Variants in FBXW4 observed in about 807,000 individuals in gnomAD.
FBXW4 encodes the protein F-box and WD repeat domain containing 4, also known as F-box/WD repeat-containing protein 4.
FBXW4 carries 40 observed loss-of-function variants against 61.8 expected under a neutral mutation model. The observed-to-expected ratio is 0.65, with a 90% CI of 0.50 to 0.84. The LOEUF is 0.84. Among genes scored for constraint, FBXW4 ranks in the 40% least tolerant of loss-of-function variants. FBXW4 has a pLI of 0.00. For missense variants in FBXW4, 672 were observed against 753.8 expected (o/e 0.89, Z 1.27); for synonymous variants, 311 against 313.8 (o/e 0.99, Z 0.10).
chr10:101,613,417 A>G (rs1177366642), intron 6 of FBXW4, among the ~76,000 whole-genome samples: 1 of 152,218 alleles, frequency 6.6e-6, no homozygotes, highest in Non-Finnish European at 1.5e-5. Flanking sequence ...TCCAGGCCTG[A>G]TGCCTTAGCT....
intron 4 of FBXW4, among the ~76,000 whole-genome samples, chr10:101,670,989 A>G (rs750933234): frequency 3.9e-5 from 6 of 152,104 alleles, no homozygotes; most frequent in African/African-American, 4.8e-5. Flanking sequence ...TATTTGGGAA[A>G]CTCCCCAAAA....
At chr10:101,660,311 G>C (rs2064229789) in intron 5 of FBXW4, 1 of 533,228 alleles carries the variant, frequency 1.9e-6, no homozygotes, top group Non-Finnish European at 2.3e-6. Context: ...TTACACACTT[G>C]CTTGGGAAGT....
chr10:101,662,864 G>A (rs2064258417), intron 5 of FBXW4, among the ~76,000 whole-genome samples: 1 of 152,146 alleles, frequency 6.6e-6, no homozygotes, highest in African/African-American at 2.4e-5. Context: ...CTCCTGGAAT[G>A]GTGCAAGCAT....
intron 1 of FBXW4, among the ~76,000 whole-genome samples, chr10:101,680,772 G>A (rs2064466385): frequency 6.6e-6 from 1 of 152,184 alleles, no homozygotes; most frequent in Non-Finnish European, 1.5e-5. Flanking sequence ...TAAGACAAAA[G>A]TCATTAAATG....
intron 5 of FBXW4, among the ~76,000 whole-genome samples, chr10:101,629,561 C>G (rs545898155): frequency 2.6e-5 from 4 of 151,988 alleles, no homozygotes; most frequent in Non-Finnish European, 5.9e-5. Flanking sequence ...TGGGATTAGA[C>G]GCATGAGCCA....
intron 5 of FBXW4, among the ~76,000 whole-genome samples, chr10:101,666,930 A>G (rs2064307562): frequency 6.6e-6 from 1 of 151,592 alleles, no homozygotes; most frequent in African/African-American, 2.4e-5. Flanking sequence ...AGAATGAAAA[A>G]AAAACCACCC....
chr10:101,665,915 C>T (rs55827061), intron 5 of FBXW4, among the ~76,000 whole-genome samples: 10 of 152,232 alleles, frequency 6.6e-5, no homozygotes, highest in African/African-American at 1.9e-4. Context: ...AGACCATCTC[C>T]GGCCCTGAGA....
At chr10:101,650,037 G>A (rs2064133585) in intron 5 of FBXW4, among the ~76,000 whole-genome samples, 1 of 152,158 alleles carries the variant, frequency 6.6e-6, no homozygotes, top group African/African-American at 2.4e-5. Flanking sequence ...CCTTCTCCTT[G>A]AGTCATGCAT....
At chr10:101,630,964 G>A (rs1241556522) in intron 5 of FBXW4, among the ~76,000 whole-genome samples, 1 of 152,186 alleles carries the variant, frequency 6.6e-6, no homozygotes, top group Non-Finnish European at 1.5e-5. Context: ...CCATGCTTGT[G>A]GAACCTACCA....
chr10:101,675,223 C>A (rs1158107984), intron 2 of FBXW4, among the ~76,000 whole-genome samples: 1 of 152,148 alleles, frequency 6.6e-6, no homozygotes, highest in Non-Finnish European at 1.5e-5. Flanking sequence ...ACTCATTATG[C>A]ACATTCCTCT....
intron 5 of FBXW4, among the ~76,000 whole-genome samples, chr10:101,642,910 G>C (rs754897658): frequency 6.6e-6 from 1 of 152,102 alleles, no homozygotes; most frequent in Non-Finnish European, 1.5e-5. Context: ...TGTGATCTGG[G>C]GGTACGCACA....
intron 2 of FBXW4, among the ~76,000 whole-genome samples, chr10:101,675,014 G>T (rs917590523): frequency 6.6e-6 from 1 of 152,208 alleles, no homozygotes; most frequent in Non-Finnish European, 1.5e-5. Context: ...AAGCCTGTCT[G>T]AGTAAACTGG....
chr10:101,650,365 G>A (rs2064135949), intron 5 of FBXW4, among the ~76,000 whole-genome samples: 1 of 152,172 alleles, frequency 6.6e-6, no homozygotes, highest in African/African-American at 2.4e-5. Flanking sequence ...GTCCCTTAAT[G>A]ATTGCAGAGT....
chr10:101,616,002 C>T (rs2063824382), intron 6 of FBXW4, among the ~76,000 whole-genome samples: 1 of 152,200 alleles, frequency 6.6e-6, no homozygotes, highest in African/African-American at 2.4e-5. Flanking sequence ...CACCATTTTT[C>T]AGTCATTTTT....
At chr10:101,652,818 A>C (rs1470888435) in intron 5 of FBXW4, among the ~76,000 whole-genome samples, 2 of 152,184 alleles carry the variant, frequency 1.3e-5, no homozygotes, top group Non-Finnish European at 2.9e-5. Flanking sequence ...TTTGTCCACC[A>C]TCTACTCTGG....
chr10:101,649,664 C>A (rs957481042), intron 5 of FBXW4, among the ~76,000 whole-genome samples: 5 of 152,150 alleles, frequency 3.3e-5, no homozygotes, highest in Non-Finnish European at 5.9e-5. Context: ...CCTTGTCAGG[C>A]CTGGCAGTGT....
At chr10:101,683,671 A>C (rs557403635) in intron 1 of FBXW4, among the ~76,000 whole-genome samples, 78 of 152,296 alleles carry the variant, frequency 5.1e-4, no homozygotes, top group Non-Finnish European at 9.7e-4. Context: ...AAGTGTAGGT[A>C]TATCGAAGAG....
chr10:101,660,225 C>A, intron 5 of FBXW4: 2 of 985,016 alleles, frequency 2.0e-6, no homozygotes, highest in Non-Finnish European at 2.4e-6. Flanking sequence ...CATCTTGTAC[C>A]TCCAAAACTC....
chr10:101,620,656 T>G (rs1301778602), intron 6 of FBXW4, among the ~76,000 whole-genome samples: 1 of 152,188 alleles, frequency 6.6e-6, no homozygotes, highest in Non-Finnish European at 1.5e-5. Context: ...AATTTTTTTT[T>G]GATAAGAAAC....
Sources: gnomAD v4.1 joint callset for allele counts (sites outside exome capture counted in the v4.1 genomes callset) on GRCh38, gnomAD v4.1.1 for gene constraint, MANE v1.5 for transcripts, NCBI Gene and HGNC (gene_info 2026-07-23, HGNC 2026-07-21) for gene names.